Variants in PDE4D observed in about 807,000 individuals in gnomAD.
PDE4D encodes 3',5'-cyclic-AMP phosphodiesterase 4D.
PDE4D carries 24 observed loss-of-function variants against 87.4 expected under a neutral mutation model. The observed-to-expected ratio is 0.27, with a 90% CI of 0.20 to 0.39. The LOEUF (loss-of-function observed/expected upper bound fraction) is 0.39, where lower values mean the gene tolerates loss of function less well. Among genes scored for constraint, PDE4D ranks in the 10% least tolerant of loss-of-function variants. The pLI is 1.00. For missense variants in PDE4D, 714 were observed against 1,041.0 expected (o/e 0.69, Z 4.32); for synonymous variants, 384 against 383.2 (o/e 1.00, Z -0.02).
intron 5 of PDE4D, among the ~76,000 whole-genome samples, chr5:59,045,556 C>CAAAAAAAAAAAAAAAA (rs36051277): frequency 2.8e-5 from 2 of 70,980 alleles, no homozygotes; most frequent in Non-Finnish European, 5.4e-5. Flanking sequence ...AACTCTGTCT[C>CAAAAAAAAAAAAAAAA]AAAAAAAAAA....
At chr5:59,964,351 C>T (rs749032573) in intron 3 of PDE4D, among the ~76,000 whole-genome samples, 3 of 152,134 alleles carry the variant, frequency 2.0e-5, no homozygotes, top group Admixed American at 6.6e-5. Flanking sequence ...TTCAGCTGGA[C>T]TAATCTAATG....
intron 1 of PDE4D, among the ~76,000 whole-genome samples, chr5:60,333,282 A>G (rs2149874883): frequency 6.6e-6 from 1 of 152,340 alleles, no homozygotes; most frequent in African/African-American, 2.4e-5. Flanking sequence ...TTAAAGATGA[A>G]TAAGTGCACC....
intron 1 of PDE4D, among the ~76,000 whole-genome samples, chr5:60,502,239 G>C (rs1750115273): frequency 6.6e-6 from 1 of 152,124 alleles, no homozygotes; most frequent in Non-Finnish European, 1.5e-5. Flanking sequence ...AGTTTTCCCA[G>C]GACCATTTAT....
At chr5:59,417,324 A>G (rs1277858359) in intron 1 of PDE4D, among the ~76,000 whole-genome samples, 1 of 152,208 alleles carries the variant, frequency 6.6e-6, no homozygotes, top group Non-Finnish European at 1.5e-5. Flanking sequence ...GGGAAGAGAT[A>G]AAGAAATCCA....
chr5:59,224,925 C>A (rs1340649281), intron 1 of PDE4D, among the ~76,000 whole-genome samples: 2 of 152,156 alleles, frequency 1.3e-5, no homozygotes, highest in Non-Finnish European at 2.9e-5. Flanking sequence ...GTTTAGGCCA[C>A]CAGTCTAGGG....
intron 1 of PDE4D, among the ~76,000 whole-genome samples, chr5:60,387,503 T>C (rs1181535279): frequency 6.6e-6 from 1 of 152,204 alleles, no homozygotes; most frequent in East Asian, 1.9e-4. Context: ...GACTATAAAA[T>C]GAAGGATAAC....
chr5:59,484,958 A>T (rs977080536), intron 1 of PDE4D, among the ~76,000 whole-genome samples: 9 of 152,150 alleles, frequency 5.9e-5, no homozygotes, highest in African/African-American at 1.9e-4. Flanking sequence ...CTAATAAACC[A>T]ATTAGTTAAG....
chr5:58,985,219 G>A (rs1746134389), intron 11 of PDE4D, among the ~76,000 whole-genome samples: 2 of 152,102 alleles, frequency 1.3e-5, no homozygotes, highest in African/African-American at 4.8e-5. Flanking sequence ...CTGGCCTATG[G>A]ATTTATTTAT....
At chr5:60,252,348 C>T (rs935135732) in intron 1 of PDE4D, among the ~76,000 whole-genome samples, 3 of 150,658 alleles carry the variant, frequency 2.0e-5, no homozygotes, top group Non-Finnish European at 4.4e-5. Context: ...TTTAAAAATG[C>T]CATTCCAATT....
intron 1 of PDE4D, among the ~76,000 whole-genome samples, chr5:59,247,291 A>G (rs1759031998): frequency 6.6e-6 from 1 of 152,164 alleles, no homozygotes; most frequent in African/African-American, 2.4e-5. Context: ...ATTGAAAGAC[A>G]CATAGTAAAG....
chr5:60,490,525 A>G (rs575966683), upstream of PDE4D: 2 of 152,368 alleles, frequency 1.3e-5, no homozygotes, highest in East Asian at 3.9e-4. Context: ...GCACCACGTC[A>G]GTCTGCTTCC....
At chr5:60,280,151 T>C (rs1751755809) in intron 1 of PDE4D, among the ~76,000 whole-genome samples, 1 of 152,120 alleles carries the variant, frequency 6.6e-6, no homozygotes, top group Admixed American at 6.5e-5. Flanking sequence ...TTACTCAACA[T>C]ATGCAACAAG....
chr5:59,120,875 CAG>C (rs1169377930), intron 5 of PDE4D, among the ~76,000 whole-genome samples: 1 of 152,086 alleles, frequency 6.6e-6, no homozygotes, highest in Non-Finnish European at 1.5e-5. Flanking sequence ...CACATTTTTA[CAG>C]AGTGGACTGA....
At chr5:60,019,893 A>AT (rs559915806) in intron 2 of PDE4D, among the ~76,000 whole-genome samples, 363 of 145,534 alleles carry the variant, frequency 2.5e-3, no homozygotes, top group Middle Eastern at 7.1e-3. Flanking sequence ...AAGAACTTTT[A>AT]TTTTTTTTTT....
chr5:60,459,942 T>G (rs1237374832), intron 1 of PDE4D: 1 of 731,518 alleles, frequency 1.4e-6, no homozygotes, highest in East Asian at 2.7e-5. Flanking sequence ...TAGTATCTTT[T>G]TATCCTTCCT....
At chr5:59,275,801 C>A in intron 1 of PDE4D, 1 of 988,358 alleles carries the variant, frequency 1.0e-6, no homozygotes, top group Non-Finnish European at 1.2e-6. Context: ...ACTCGAAGAG[C>A]GCAGGTAGAG....
At chr5:59,243,051 C>T (rs1289312729) in intron 1 of PDE4D, among the ~76,000 whole-genome samples, 2 of 152,132 alleles carry the variant, frequency 1.3e-5, no homozygotes, top group Admixed American at 6.5e-5. Context: ...AGTTGGAGAA[C>T]CAGTGTCTGA....
chr5:59,589,937 AAC>A (rs1825689007), intron 1 of PDE4D, among the ~76,000 whole-genome samples: 1 of 152,204 alleles, frequency 6.6e-6, no homozygotes, highest in Non-Finnish European at 1.5e-5. Flanking sequence ...AACAAAAGGA[AAC>A]ACAACTGAGA....
intron 1 of PDE4D, among the ~76,000 whole-genome samples, chr5:60,339,303 G>A (rs373196735): frequency 3.9e-5 from 6 of 152,170 alleles, no homozygotes; most frequent in African/African-American, 1.2e-4. Flanking sequence ...TAAACTAAGA[G>A]TTCCTTGAAC....
Sources: allele counts gnomAD v4.1 joint callset (sites outside exome capture counted in the v4.1 genomes callset), GRCh38; gene constraint gnomAD v4.1.1; transcripts MANE v1.5; gene names NCBI Gene and HGNC (gene_info 2026-07-23, HGNC 2026-07-21).